Variants in VWA8 observed in about 807,000 individuals in gnomAD.
VWA8 encodes von Willebrand factor A domain containing 8, also known as von Willebrand factor A domain-containing protein 8.
Under a neutral mutation model 241.5 loss-of-function variants are expected in VWA8, and 221 were observed. The observed-to-expected ratio is 0.91, with a 90% CI of 0.82 to 1.02. The LOEUF (loss-of-function observed/expected upper bound fraction) is 1.02. Among genes scored for constraint, VWA8 ranks in the 50% least tolerant of loss-of-function variants. VWA8 has a pLI of 0.00. For missense variants in VWA8, 2,322 were observed against 2,328.7 expected (o/e 1.00, Z 0.06); for synonymous variants, 852 against 827.1 (o/e 1.03, Z -0.52).
rs1566037037 is a variant in VWA8 at position 41,912,176 on chromosome 13, G to GA, written c.242-9dup. On this transcript the variant is annotated splice_polypyrimidine_tract_variant and intron_variant, in intron 2 of 44. Transcript: ENST00000379310. ...GAGCCAGAGAGTCTGAAACTATAAA[G>GA]AAAAAAGAGAAAATGAAGTGCAAAT... The GA allele has an allele frequency of 6.4e-6, 10 of 1,568,402 alleles. No individual in the cohort carries two copies. The highest frequency in any genetic ancestry group is 6.9e-6 in the Non-Finnish European group (8 of 1,158,698).
At chr13:41,889,178 T>C (rs1316472206) in intron 5 of VWA8, among the ~76,000 whole-genome samples, 1 of 152,218 alleles carries the variant, frequency 6.6e-6, no homozygotes. Flanking sequence ...AGAATCTTTT[T>C]ACCATAAAAG....
chr13:41,759,855 G>A (rs564241336), intron 21 of VWA8, among the ~76,000 whole-genome samples: 1 of 151,774 alleles, frequency 6.6e-6, no homozygotes, highest in East Asian at 1.9e-4. Context: ...CAGGTATGAA[G>A]TCAATTTACT....
intron 21 of VWA8, among the ~76,000 whole-genome samples, chr13:41,753,546 TTACTTTCA>T (rs558212430): frequency 2.9e-4 from 44 of 152,298 alleles, no homozygotes; most frequent in African/African-American, 9.6e-4. Context: ...TCAAAAGTAA[TTACTTTCA>T]TTAATCTTTT....
chr13:41,889,295 T>TA (rs1491242958), intron 5 of VWA8, among the ~76,000 whole-genome samples: 1 of 152,116 alleles, frequency 6.6e-6, no homozygotes, highest in Non-Finnish European at 1.5e-5. Flanking sequence ...GATAAAAACT[T>TA]ATGTGTTTAT....
At chr13:41,619,334 T>C (rs1478254596) in intron 37 of VWA8, among the ~76,000 whole-genome samples, 1 of 152,258 alleles carries the variant, frequency 6.6e-6, no homozygotes, top group Non-Finnish European at 1.5e-5. Context: ...CCTGAGACTT[T>C]GCTGAAGTTG....
intron 15 of VWA8, among the ~76,000 whole-genome samples, chr13:41,817,838 A>G (rs561222287): frequency 6.6e-6 from 1 of 152,386 alleles, no homozygotes; most frequent in South Asian, 2.1e-4. Flanking sequence ...GTTAATAATT[A>G]GTGATCTAGA....
chr13:41,690,924 C>T (rs2045172583), intron 32 of VWA8, among the ~76,000 whole-genome samples: 3 of 152,090 alleles, frequency 2.0e-5, no homozygotes, highest in Non-Finnish European at 4.4e-5. Context: ...GAGAAAGACA[C>T]TTCTAAGGTG....
At chr13:41,672,695 G>A (rs1167773483) in intron 36 of VWA8, among the ~76,000 whole-genome samples, 1 of 152,150 alleles carries the variant, frequency 6.6e-6, no homozygotes, top group Non-Finnish European at 1.5e-5. Context: ...ATGTTCATAT[G>A]AGAACAACAG....
chr13:41,628,697 A>G (rs2139672881), intron 37 of VWA8, among the ~76,000 whole-genome samples: 1 of 152,312 alleles, frequency 6.6e-6, no homozygotes, highest in Non-Finnish European at 1.5e-5. Context: ...CAAATAGTGC[A>G]TGTTCTCACT....
intron 37 of VWA8, among the ~76,000 whole-genome samples, chr13:41,649,831 T>C (rs2044857858): frequency 6.6e-6 from 1 of 152,226 alleles, no homozygotes; most frequent in South Asian, 2.1e-4. Context: ...AGCCTCACTC[T>C]GAGAAGGGCA....
At chr13:41,588,581 G>A (rs562937246) in intron 41 of VWA8, among the ~76,000 whole-genome samples, 1 of 152,066 alleles carries the variant, frequency 6.6e-6, no homozygotes, top group Admixed American at 6.5e-5. Context: ...AATCAGCTAG[G>A]GTGGTGCTAT....
chr13:41,570,570 C>T lies in VWA8; in HGVS notation c.5507G>A (p.Arg1836Gln), dbSNP rs752666461. 38 of 1,614,072 alleles carry T rather than the reference C, an allele frequency of 2.4e-5. No individual in the cohort carries two copies. The highest frequency in any genetic ancestry group is 3.3e-4 in the Middle Eastern group (2 of 6,084). ...VIVLSDANLSRYGIHPAKFAQ... is the reference protein window; with the variant it reads ...VIVLSDANLSQYGIHPAKFAQ... ...AAACTTAGCAGGATGTATTCCATATCGTGACAGATTTGCATCACTCAAGAC... is the reference window on the plus strand; with the variant it reads ...AAACTTAGCAGGATGTATTCCATATTGTGACAGATTTGCATCACTCAAGAC... The change falls in exon 44 of 45, where the codon CGA becomes CAA. Residue 1836 changes from arginine to glutamine, a missense_variant. Coordinates refer to ENST00000379310, the MANE Select transcript of VWA8 (RefSeq NM_015058.2).
Position 41,815,600 on chromosome 13 carries a change from T to C in VWA8, c.1947+1098A>G, listed in dbSNP as rs554955417. Among the ~76,000 whole-genome samples the C allele has an allele frequency of 5.3e-5, 8 of 152,298 alleles. No individual in the cohort carries two copies. The East Asian group carries it at 9.6e-4, about 18-fold the overall frequency. ...ACCAAAACCCAGAAGGGGCAAGGAA[T>C]AGATTCTCCCCTGGAGCCTCCGATG... On this transcript the variant is annotated intron_variant, in intron 16 of 44. Coordinates refer to ENST00000379310, the MANE Select transcript of VWA8 (RefSeq NM_015058.2).
At chr13:41,928,424 C>T (rs1333942405) in intron 2 of VWA8, among the ~76,000 whole-genome samples, 5 of 151,746 alleles carry the variant, frequency 3.3e-5, no homozygotes, top group African/African-American at 1.2e-4. Context: ...TGATATGAAA[C>T]TAGAAAACAG....
At chr13:41,738,473 C>T (rs575605648) in intron 21 of VWA8, among the ~76,000 whole-genome samples, 1 of 152,234 alleles carries the variant, frequency 6.6e-6, no homozygotes, top group South Asian at 2.1e-4. Context: ...ATCTACTTAC[C>T]TCTACCACGT....
Position 41,824,160 on chromosome 13 carries a change from A to T in VWA8, c.1701-4774T>A, listed in dbSNP as rs140859005. Among the ~76,000 whole-genome samples the T allele has an allele frequency of 3.1e-3, 465 of 152,304 alleles. 1 individual carries two copies. The highest frequency in any genetic ancestry group is 5.1e-3 in the Non-Finnish European group (347 of 68,012). Reference sequence around the variant, plus strand: ...CTTGGTCTTGGAAAGGGCTAGAGGAATGTCAGAGAAGGTTTCACAGAGGAC... The same window carrying T: ...CTTGGTCTTGGAAAGGGCTAGAGGATTGTCAGAGAAGGTTTCACAGAGGAC... On this transcript the variant is annotated intron_variant, in intron 14 of 44. Transcript: ENST00000379310.
intron 1 of VWA8, among the ~76,000 whole-genome samples, chr13:41,960,466 T>C (rs1878558913): frequency 6.6e-6 from 1 of 152,206 alleles, no homozygotes; most frequent in African/African-American, 2.4e-5. Flanking sequence ...TCCAGGCCCT[T>C]GAGGCTCAGA....
chr13:41,587,361 T>C, intron 42 of VWA8, 151 bp downstream of exon 42: 1 of 964,864 alleles, frequency 1.0e-6, no homozygotes. Flanking sequence ...CAATTACTAC[T>C]TCAGATAAAA....
chr13:41,845,220 G>A (rs1872236329), intron 12 of VWA8, among the ~76,000 whole-genome samples: 1 of 152,074 alleles, frequency 6.6e-6, no homozygotes, highest in African/African-American at 2.4e-5. Flanking sequence ...AATCATTAGA[G>A]AAATGCCAAT....
Sources: gnomAD v4.1 joint callset for allele counts (sites outside exome capture counted in the v4.1 genomes callset) on GRCh38, gnomAD v4.1.1 for gene constraint, MANE v1.5 for transcripts, NCBI Gene and HGNC (gene_info 2026-07-23, HGNC 2026-07-21) for gene names.